The following LGR5 variants were observed in gnomAD, a reference collection of about 807,000 sequenced individuals.
LGR5 encodes leucine-rich repeat-containing G protein-coupled receptor 5.
LGR5 carries 54 observed loss-of-function variants against 76.7 expected under a neutral mutation model. The ratio of observed to expected loss-of-function variants is 0.70; its 90% CI spans 0.57 to 0.88. The LOEUF (loss-of-function observed/expected upper bound fraction) is 0.88. Among genes scored for constraint, LGR5 ranks in the 40% least tolerant of loss-of-function variants. The pLI is 0.00. For synonymous variants in LGR5, 406 were observed against 421.9 expected, an observed-to-expected ratio of 0.96 and a Z score of 0.46; for missense variants, 1,078 against 1,073.3, an observed-to-expected ratio of 1.00 and a Z score of -0.06.
At chr12:71,533,107 G>C (rs1876408017) in intron 3 of LGR5, among the ~76,000 whole-genome samples, 1 of 152,160 alleles carries the variant, frequency 6.6e-6, no homozygotes, top group Non-Finnish European at 1.5e-5. Context: ...AACTTTGGGA[G>C]GTTGAGGTGG....
intron 4 of LGR5, among the ~76,000 whole-genome samples, chr12:71,550,427 G>A (rs545711421): frequency 2.7e-5 from 4 of 147,582 alleles, no homozygotes; most frequent in South Asian, 2.1e-4. Flanking sequence ...ACCACTGCGC[G>A]CAGCCCAAGA....
chr12:71,514,099 C>A (rs886118002), intron 2 of LGR5, among the ~76,000 whole-genome samples: 8 of 151,792 alleles, frequency 5.3e-5, no homozygotes, highest in South Asian at 4.2e-4. Flanking sequence ...ACAACAACAA[C>A]AACAAAAACA....
Position 71,583,879 on chromosome 12 carries a change from C to G in LGR5, c.1869C>G (p.Ser623Arg), listed in dbSNP as rs746055717. ...LAGVDAFTFG[S>R]FARHGAWWEN... ...GTGTGGATGCGTTCACTTTTGGCAGCTTTGCACGACATGGTGCCTGGTGGG... is the reference window on the plus strand; with the variant it reads ...GTGTGGATGCGTTCACTTTTGGCAGGTTTGCACGACATGGTGCCTGGTGGG... Residue 623 changes from serine to arginine, a missense_variant, in exon 18 of 18, where the codon AGC (serine) becomes AGG (arginine). Coordinates refer to ENST00000266674, the MANE Select transcript of LGR5 (RefSeq NM_003667.4). 3 of 1,614,036 alleles carry G rather than the reference C, an allele frequency of 1.9e-6. No homozygotes were observed. In the African/African-American group the frequency reaches 4.0e-5, roughly 22 times the overall value.
At chr12:71,537,245 A>G (rs1876641398) in intron 4 of LGR5, among the ~76,000 whole-genome samples, 2 of 151,724 alleles carry the variant, frequency 1.3e-5, no homozygotes, top group Non-Finnish European at 2.9e-5. Context: ...CTTGGAGGCC[A>G]GGAGTTTGAG....
rs1878074036 is a variant in LGR5, at chr12:71,561,810, T to C, written c.815T>C (p.Ile272Thr). 2 of 1,605,768 alleles carry C rather than the reference T, an allele frequency of 1.2e-6. No individual in the cohort carries two copies. The highest frequency in any genetic ancestry group is 2.2e-5 in the South Asian group (2 of 90,356). Reference protein sequence around the residue: ...LGFHSNNIRSIPEKAFVGNPS... With the variant: ...LGFHSNNIRSTPEKAFVGNPS... ...TTTCATAGCAACAATATCAGGTCGA[T>C]ACCTGAGAAAGCATTTGTAGGCAAC... The change falls in exon 8 of 18, where the codon ATA (isoleucine) becomes ACA (threonine). Residue 272 changes from isoleucine to threonine, a missense_variant. Ile to Thr is a moderately conservative substitution (Grantham distance 89, BLOSUM62 -1). Transcript: ENST00000266674.
rs558250871 is a variant in LGR5, at chr12:71,578,414, G to T, written c.1281-390G>T. Among the ~76,000 whole-genome samples the T allele has an allele frequency of 2.1e-4, 32 of 152,164 alleles. No homozygotes were observed. The South Asian group carries it at 2.7e-3, about 13-fold the overall frequency. The stretch of plus-strand genomic sequence containing the variant: ...CATCTCTTATCTAACAAAGAAAGAA[G>T]AAATTGGTTAGACAGAAGTTAGGAG... On this transcript the variant is annotated intron_variant, in intron 14 of 17. Transcript: ENST00000266674.
At chr12:71,465,073 G>A (rs1228484931) in intron 1 of LGR5, among the ~76,000 whole-genome samples, 1 of 152,110 alleles carries the variant, frequency 6.6e-6, no homozygotes, top group African/African-American at 2.4e-5. Context: ...ATTGGAGGCA[G>A]GCGTCCCCCT....
intron 1 of LGR5, among the ~76,000 whole-genome samples, chr12:71,467,605 A>G (rs1041490775): frequency 8.5e-5 from 13 of 152,202 alleles, no homozygotes; most frequent in Non-Finnish European, 5.9e-5. Context: ...TATTAGCTAC[A>G]TGTAACTTCA....
intron 4 of LGR5, among the ~76,000 whole-genome samples, chr12:71,550,627 A>AT (rs1446313264): frequency 4.0e-5 from 6 of 151,002 alleles, no homozygotes; most frequent in East Asian, 2.0e-4. Flanking sequence ...CACCCAGCTA[A>AT]TTTTTTTTGT....
At chr12:71,563,906 A>T (rs1184861241) in intron 8 of LGR5, among the ~76,000 whole-genome samples, 3 of 151,908 alleles carry the variant, frequency 2.0e-5, no homozygotes, top group Non-Finnish European at 4.4e-5. Flanking sequence ...GTGTGTATAC[A>T]TATACATATA....
rs1313556823 is a variant in LGR5 at position 71,584,082 on chromosome 12, T to C, written c.2072T>C (p.Leu691Pro). The C allele has an allele frequency of 1.2e-6, 2 of 1,614,248 alleles. No individual in the cohort carries two copies. The highest frequency in any genetic ancestry group is 1.1e-5 in the South Asian group (1 of 91,082). The change falls in exon 18 of 18, where the codon CTG becomes CCG. Residue 691 changes from leucine to proline, a missense_variant. Physicochemically the swap from Leu to Pro is moderately conservative, Grantham distance 98. Coordinates refer to ENST00000266674, the MANE Select transcript of LGR5 (RefSeq NM_003667.4). ...GTAATCATTTTGCTCTGTGCCCTGC[T>C]GGCCTTGACCATGGCCGCAGTTCCC... is the stretch of plus-strand genomic sequence containing the variant. ...LKVIILLCAL[L>P]ALTMAAVPLL...
In LGR5 at chr12:71,584,708, T is replaced by C; in HGVS notation, c.2698T>C (p.Ser900Pro). ...YPVTESCHLS[S>P]VAFVPCL ...AGTGACTGAGAGCTGCCATCTTTCC[T>C]CTGTGGCATTTGTCCCATGTCTCTA... The change falls in exon 18 of 18, where the codon TCT (serine) becomes CCT (proline). Residue 900 changes from serine to proline, a missense_variant. Ser to Pro is a moderately conservative substitution (Grantham distance 74). Transcript: ENST00000266674. 1 of 1,612,346 alleles carries C rather than the reference T, an allele frequency of 6.2e-7. No individual in the cohort carries two copies. Among genetic ancestry groups the C allele is most frequent in the Non-Finnish European group, 8.5e-7 (1 of 1,178,518 alleles).
chr12:71,566,397 C>A lies in LGR5; in HGVS notation c.858-7C>A, dbSNP rs762570916. 30 of 1,579,990 alleles carry A rather than the reference C, an allele frequency of 1.9e-5. No homozygotes were observed. The highest frequency in any genetic ancestry group is 2.6e-5 in the Non-Finnish European group (30 of 1,151,476). On this transcript the variant is annotated splice_region_variant and splice_polypyrimidine_tract_variant and intron_variant, in intron 8 of 17. Transcript: ENST00000266674. Reference sequence around the variant, plus strand: ...AAGATATTAATTGCTGTTTGGGTTTCTTTTAGACATTTCTATGACAATCCC... The same window carrying A: ...AAGATATTAATTGCTGTTTGGGTTTATTTTAGACATTTCTATGACAATCCC...
intron 3 of LGR5, among the ~76,000 whole-genome samples, chr12:71,529,800 A>G (rs955931962): frequency 1.3e-5 from 2 of 152,104 alleles, no homozygotes; most frequent in African/African-American, 2.4e-5. Flanking sequence ...TACTAAAAAT[A>G]CAAAAATTAG....
intron 4 of LGR5, among the ~76,000 whole-genome samples, chr12:71,537,259 A>G (rs1876642334): frequency 6.6e-6 from 1 of 151,886 alleles, no homozygotes; most frequent in African/African-American, 2.4e-5. Flanking sequence ...GTTTGAGATC[A>G]GCTTGGGCAA....
intron 6 of LGR5, 33 bp downstream of exon 6, chr12:71,556,723 C>T (rs1877789039): frequency 2.0e-6 from 3 of 1,503,748 alleles, no homozygotes; most frequent in African/African-American, 2.8e-5. Context: ...TCCCTTTTTT[C>T]AGTATTTTCA....
chr12:71,468,245 T>C (rs143148964), intron 1 of LGR5, among the ~76,000 whole-genome samples: 26 of 152,164 alleles, frequency 1.7e-4, no homozygotes, highest in Non-Finnish European at 2.9e-4. Context: ...AAGTTGTCAG[T>C]CTGAGTCTCC....
Position 71,440,150 on chromosome 12 carries a change from T to C in LGR5, c.70T>C (p.Ser24Pro). The change falls in exon 1 of 18, where the codon TCT (serine) becomes CCT (proline). Residue 24 changes from serine to proline, a missense_variant. Physicochemically the swap from Ser to Pro is moderately conservative, Grantham distance 74. Coordinates refer to ENST00000266674, the MANE Select transcript of LGR5 (RefSeq NM_003667.4). The surrounding 1 kb of genome is among the most constrained non-coding windows in gnomAD (Gnocchi z 5.3). ...VLLQLATGGSSPRSGVLLRGC... is the reference protein window; with the variant it reads ...VLLQLATGGSPPRSGVLLRGC... ...GCTGCAGCTGGCGACCGGGGGCAGC[T>C]CTCCCAGGTCTGGTGTGTTGCTGAG... 1.2e-6 allele frequency: 2 copies of C among 1,610,486 alleles called. No individual in the cohort carries two copies. The highest frequency in any genetic ancestry group is 1.7e-6 in the Non-Finnish European group (2 of 1,179,714).
At chr12:71,521,053 T>C (rs960993632) in intron 2 of LGR5, among the ~76,000 whole-genome samples, 1 of 152,218 alleles carries the variant, frequency 6.6e-6, no homozygotes, top group Non-Finnish European at 1.5e-5. Flanking sequence ...CTTCCCAACT[T>C]ACACTGACTT....
Sources: allele counts gnomAD v4.1 joint callset (sites outside exome capture counted in the v4.1 genomes callset), GRCh38; gene constraint gnomAD v4.1.1; non-coding constraint Gnocchi (gnomAD v3.1); transcripts MANE v1.5; gene names NCBI Gene and HGNC (gene_info 2026-07-23, HGNC 2026-07-21).